The following MORC3 variants were observed in gnomAD, a reference collection of about 807,000 sequenced individuals.
MORC3 encodes MORC family CW-type zinc finger 3.
MORC3 carries 31 observed loss-of-function variants against 109.1 expected under a neutral mutation model. That is an observed-to-expected ratio of 0.28 (90% CI 0.21 to 0.38). The LOEUF is 0.38. Among genes scored for constraint, MORC3 ranks in the 10% least tolerant of loss-of-function variants. The probability of loss-of-function intolerance (pLI) is 1.00; values close to 1 mark genes in which losing one functional copy is unlikely to be tolerated. For missense variants in MORC3, 867 were observed against 1,135.8 expected (o/e 0.76, Z 3.40); for synonymous variants, 395 against 380.7 (o/e 1.04, Z -0.44).
At chr21:36,335,962 G>T (rs1399495678) in intron 2 of MORC3, among the ~76,000 whole-genome samples, 1 of 151,802 alleles carries the variant, frequency 6.6e-6, no homozygotes, top group Non-Finnish European at 1.5e-5. Context: ...TCTCGCTCTT[G>T]TTGCCCAGGC....
chr21:36,337,311 C>G lies in MORC3; in HGVS notation c.245+305C>G, dbSNP rs1326761147. The stretch of plus-strand genomic sequence containing the variant: ...GGTTTAACCATTGTTTGTAATAAAA[C>G]CTACCACTTTGTTGGGAGTAACTTT... On this transcript the variant is annotated intron_variant, in intron 3 of 16. Coordinates refer to ENST00000400485, the MANE Select transcript of MORC3 (RefSeq NM_015358.3). 3.9e-5 allele frequency among the ~76,000 whole-genome samples: 6 copies of G among 152,236 alleles called. No homozygotes were observed. In the South Asian group the frequency reaches 6.2e-4, roughly 16 times the overall value.
chr21:36,352,532 G>A (rs1411871342), intron 9 of MORC3, among the ~76,000 whole-genome samples: 1 of 152,114 alleles, frequency 6.6e-6, no homozygotes, highest in Admixed American at 6.5e-5. Context: ...ATGCCTACTG[G>A]TTGAGCATTG....
At chr21:36,359,358 A>T (rs2085685476) in intron 10 of MORC3, among the ~76,000 whole-genome samples, 1 of 151,754 alleles carries the variant, frequency 6.6e-6, no homozygotes, top group African/African-American at 2.4e-5. Context: ...CTGGCCTCAT[A>T]CTCCTGTGCT....
chr21:36,322,038 C>T (rs1342295093), intron 1 of MORC3, among the ~76,000 whole-genome samples: 1 of 152,194 alleles, frequency 6.6e-6, no homozygotes, highest in African/African-American at 2.4e-5. Context: ...TCTGCAGCCT[C>T]TTTGCTTTTG....
At chr21:36,367,880 C>A (rs776488678) in intron 14 of MORC3, among the ~76,000 whole-genome samples, 1 of 152,098 alleles carries the variant, frequency 6.6e-6, no homozygotes, top group Admixed American at 6.6e-5. Flanking sequence ...ATTTTTCAAC[C>A]CGGAAGCCTA....
At chr21:36,338,695 T>C (rs1384645280) in intron 4 of MORC3, 79 bp from the exon 5 acceptor site, 1 of 1,330,522 alleles carries the variant, frequency 7.5e-7, no homozygotes, top group African/African-American at 1.5e-5. Context: ...TTTTCTGTTA[T>C]TTAAGTTTAT....
intron 8 of MORC3, chr21:36,348,119 A>G (rs1452106669): frequency 4.6e-5 from 7 of 152,236 alleles, no homozygotes; most frequent in Admixed American, 4.6e-4. Context: ...TGAACAAAAT[A>G]TACTTGTTAG....
intron 1 of MORC3, among the ~76,000 whole-genome samples, chr21:36,323,783 C>T (rs1427765069): frequency 6.6e-6 from 1 of 152,046 alleles, no homozygotes; most frequent in Non-Finnish European, 1.5e-5. Flanking sequence ...TGACAATTTT[C>T]TTCGCACCAT....
chr21:36,371,443 T>C (rs1171145191), intron 15 of MORC3, among the ~76,000 whole-genome samples: 1 of 67,232 alleles, frequency 1.5e-5, no homozygotes, highest in Admixed American at 1.6e-4. Flanking sequence ...TAGCCTAACC[T>C]GCCTTAAAGT....
rs564457321 is a variant in MORC3 at position 36,376,246 on chromosome 21, A to T, written c.*950A>T. 6.6e-6 allele frequency: 1 copy of T among 152,634 alleles called. No individual in the cohort carries two copies. The highest frequency in any genetic ancestry group is 1.5e-5 in the Non-Finnish European group (1 of 68,028). The allele number at this position is 152,634 out of a possible 1,614,324, so 9.5% of individuals were successfully genotyped here. A position where few individuals can be genotyped will look rare whatever the true frequency, so the allele number is the denominator to read the frequency against. On this transcript the variant is annotated 3_prime_UTR_variant, in exon 17 of 17. Coordinates refer to ENST00000400485, the MANE Select transcript of MORC3 (RefSeq NM_015358.3). ...ATAGTATTACATGCCATAAAATACTATGCTTTATTGGTCCCATGTTTTGTG... is the reference window on the plus strand; with the variant it reads ...ATAGTATTACATGCCATAAAATACTTTGCTTTATTGGTCCCATGTTTTGTG...
chr21:36,375,107 AT>A (rs2085915146), intron 16 of MORC3, 35 bp from the exon 17 acceptor site: 2 of 1,576,858 alleles, frequency 1.3e-6, no homozygotes, highest in South Asian at 2.3e-5. Flanking sequence ...TTAACTTGTA[AT>A]GCTCATCTAA....
intron 2 of MORC3, 66 bp from the exon 3 acceptor site, chr21:36,336,808 T>C: frequency 7.0e-7 from 1 of 1,437,562 alleles, no homozygotes; most frequent in Non-Finnish European, 9.3e-7. Flanking sequence ...TCTTACAGGA[T>C]TGTTCTGAAC....
In MORC3 at chr21:36,375,548, A is replaced by ATT. The variant is rs2146349346; in HGVS notation, c.*253_*254dup. On this transcript the variant is annotated 3_prime_UTR_variant, in exon 17 of 17. Transcript: ENST00000400485. ...TCTGTTTTGAATGTAAATATTTGTA[A>ATT]TTAAGCCTGCACATATTTTTTTATT... 3.0e-6 allele frequency: 1 copy of ATT among 331,622 alleles called. No individual in the cohort carries two copies. The highest frequency in any genetic ancestry group is 6.8e-5 in the East Asian group (1 of 14,654). 20.5% of individuals were successfully genotyped at this position (331,622 alleles called of 1,614,324 possible).
intron 1 of MORC3, 134 bp downstream of exon 1, chr21:36,320,437 G>A (rs2085177728): frequency 2.3e-6 from 2 of 881,022 alleles, no homozygotes; most frequent in East Asian, 3.7e-5. Flanking sequence ...CCCGGGGAGG[G>A]GGCGGCCATC....
Position 36,372,429 on chromosome 21 carries a change from A to G in MORC3, c.2564A>G (p.Lys855Arg). Residue 855 changes from lysine to arginine, a missense_variant, in exon 16 of 17, where the codon AAA becomes AGA. Lys to Arg is a conservative substitution (Grantham distance 26). Coordinates refer to ENST00000400485, the MANE Select transcript of MORC3 (RefSeq NM_015358.3). ...ATCCGTTCACAGTGTGAAGAACTCAAAACTGAAGTAGAACAGTTAAAATCT... is the reference window on the plus strand; with the variant it reads ...ATCCGTTCACAGTGTGAAGAACTCAGAACTGAAGTAGAACAGTTAAAATCT... ...SQIRSQCEEL[K>R]TEVEQLKSTN... The G allele has an allele frequency of 1.0e-5, 16 of 1,604,604 alleles. No individual in the cohort carries two copies. Among genetic ancestry groups the G allele is most frequent in the Non-Finnish European group, 1.4e-5 (16 of 1,178,230 alleles).
intron 16 of MORC3, among the ~76,000 whole-genome samples, chr21:36,374,649 A>G (rs1459635563): frequency 6.6e-6 from 1 of 152,068 alleles, no homozygotes; most frequent in African/African-American, 2.4e-5. Context: ...ATAAAAATTA[A>G]CCGGGCATGG....
Position 36,372,451 on chromosome 21 carries a change from A to G in MORC3, c.2586A>G (p.Lys862=). ...TCAAAACTGAAGTAGAACAGTTAAAATCTACAAATCAACAGACGGCAACAG... is the reference window on the plus strand; with the variant it reads ...TCAAAACTGAAGTAGAACAGTTAAAGTCTACAAATCAACAGACGGCAACAG... The part of the protein sequence containing the change: ...EELKTEVEQL[K]STNQQTATDV... Residue 862 remains lysine, a synonymous_variant, in exon 16 of 17, where the codon AAA becomes AAG. Coordinates refer to ENST00000400485, the MANE Select transcript of MORC3 (RefSeq NM_015358.3). 1 of 1,608,272 alleles carries G rather than the reference A, an allele frequency of 6.2e-7. No homozygotes were observed. The highest frequency in any genetic ancestry group is 8.5e-7 in the Non-Finnish European group (1 of 1,178,966).
At chr21:36,332,367 C>T (rs148855895) in intron 1 of MORC3, among the ~76,000 whole-genome samples, 47 of 152,128 alleles carry the variant, frequency 3.1e-4, no homozygotes, top group African/African-American at 1.0e-3. Flanking sequence ...ACCCAGGAGG[C>T]GGAGGTTGCA....
chr21:36,338,768 A>G lies in MORC3; in HGVS notation c.461-6A>G, dbSNP rs2085402352. 6.2e-7 allele frequency: 1 copy of G among 1,611,826 alleles called. No homozygotes were observed. Among genetic ancestry groups the G allele is most frequent in the Non-Finnish European group, 8.5e-7 (1 of 1,178,230 alleles). ...TGTCAATCTGAGTCTTTAACTTATG[A>G]TATACGACAGATGATTAATTTAGCA... On this transcript the variant is annotated splice_region_variant and splice_polypyrimidine_tract_variant and intron_variant, in intron 4 of 16. Coordinates refer to ENST00000400485, the MANE Select transcript of MORC3 (RefSeq NM_015358.3).
Sources: allele counts gnomAD v4.1 joint callset (sites outside exome capture counted in the v4.1 genomes callset), GRCh38; gene constraint gnomAD v4.1.1; transcripts MANE v1.5; gene names NCBI Gene and HGNC (gene_info 2026-07-23, HGNC 2026-07-21).